Variants in ENTPD1 observed in about 807,000 individuals in gnomAD.
The protein encoded by ENTPD1 is ectonucleoside triphosphate diphosphohydrolase 1.
Under a neutral mutation model 57.0 loss-of-function variants are expected in ENTPD1, and 33 were observed. The observed-to-expected ratio is 0.58, with a 90% CI of 0.44 to 0.77. ENTPD1 has a LOEUF of 0.77. ENTPD1 is among the 30% of genes least tolerant of loss of function. The pLI, the probability that ENTPD1 is intolerant of heterozygous loss-of-function variation, is 0.00. For missense variants in ENTPD1, 501 were observed against 603.4 expected (o/e 0.83, Z 1.78); for synonymous variants, 202 against 218.8 (o/e 0.92, Z 0.68).
At chr10:95,694,966 T>A in the ENTPD1 span, among the ~76,000 whole-genome samples, 1 of 148,704 alleles carries the variant, frequency 6.7e-6, no homozygotes, top group African/African-American at 2.5e-5. Context: ...AGTGGTGTGA[T>A]CTCAGCTCAC....
At chr10:95,762,540 T>C (rs12767650) in intron 1 of ENTPD1, among the ~76,000 whole-genome samples, 16,115 of 152,230 alleles carry the variant, frequency 0.11, 1,029 homozygotes, top group Middle Eastern at 0.22. Context: ...GTGAAGCACA[T>C]GTATTTTCCA....
chr10:95,852,673 T>A (rs1333977875), intron 7 of ENTPD1, among the ~76,000 whole-genome samples: 2 of 152,224 alleles, frequency 1.3e-5, no homozygotes, highest in Non-Finnish European at 2.9e-5. Flanking sequence ...CCCAGCACCA[T>A]TTATTAAATA....
intron 1 of ENTPD1, among the ~76,000 whole-genome samples, chr10:95,814,824 T>C (rs2098324312): frequency 1.3e-5 from 2 of 152,154 alleles, no homozygotes; most frequent in Non-Finnish European, 2.9e-5. Flanking sequence ...ATTTACTCAA[T>C]TACCTTGTCT....
chr10:95,734,111 C>G (rs2097992013), intron 1 of ENTPD1, among the ~76,000 whole-genome samples: 2 of 152,294 alleles, frequency 1.3e-5, no homozygotes, highest in South Asian at 4.2e-4. Flanking sequence ...ACCACACTCC[C>G]CCTTTCCTAC....
chr10:95,852,735 A>G (rs974161253), intron 7 of ENTPD1, among the ~76,000 whole-genome samples: 2 of 152,086 alleles, frequency 1.3e-5, no homozygotes, highest in African/African-American at 4.8e-5. Context: ...AAGATCGGAT[A>G]GTTGTAGATA....
intron 7 of ENTPD1, among the ~76,000 whole-genome samples, chr10:95,858,572 CGAG>C (rs1391541453): frequency 6.6e-6 from 1 of 152,072 alleles, no homozygotes; most frequent in Non-Finnish European, 1.5e-5. Context: ...AGTATCCACA[CGAG>C]ATGATAGTGG....
intron 8 of ENTPD1, among the ~76,000 whole-genome samples, chr10:95,863,202 T>C (rs1343449686): frequency 1.3e-5 from 2 of 152,078 alleles, no homozygotes; most frequent in Non-Finnish European, 2.9e-5. Flanking sequence ...AGGAGGGGAA[T>C]AGGAGTATTA....
intron 1 of ENTPD1, among the ~76,000 whole-genome samples, chr10:95,805,882 C>T (rs2098270092): frequency 6.6e-6 from 1 of 152,204 alleles, no homozygotes; most frequent in Admixed American, 6.5e-5. Context: ...ATGGGCTTCC[C>T]TTTGTGGGTA....
chr10:95,826,211 A>C (rs1001829643), intron 2 of ENTPD1, among the ~76,000 whole-genome samples: 3 of 152,132 alleles, frequency 2.0e-5, no homozygotes, highest in Admixed American at 2.0e-4. Context: ...GTCTTCCCTG[A>C]AAAAATGATA....
intron 1 of ENTPD1, among the ~76,000 whole-genome samples, chr10:95,771,365 A>G (rs1431476311): frequency 6.6e-6 from 1 of 152,182 alleles, no homozygotes; most frequent in Non-Finnish European, 1.5e-5. Context: ...CATCTTTGAC[A>G]GTTTCTTTAG....
chr10:95,708,229 T>A (rs977042654), upstream of ENTPD1, among the ~76,000 whole-genome samples: 4 of 151,884 alleles, frequency 2.6e-5, no homozygotes, highest in African/African-American at 7.3e-5. Flanking sequence ...TTTTTTTTTT[T>A]TTTGAGACAG....
chr10:95,710,763 A>G (rs534322882), upstream of ENTPD1, among the ~76,000 whole-genome samples: 70 of 152,194 alleles, frequency 4.6e-4, no homozygotes, highest in Admixed American at 1.2e-3. Context: ...GAGACTGTCT[A>G]TAGTCCCACA....
In ENTPD1 at chr10:95,869,736, A is replaced by G. The variant is rs2098478438; in HGVS notation, c.*3353A>G. On this transcript the variant is annotated 3_prime_UTR_variant, in exon 10 of 10. Coordinates refer to ENST00000371205, the MANE Select transcript of ENTPD1 (RefSeq NM_001776.6). ...CAGTCAAGGTCCCTGCAAGAGATGG[A>G]TGGTATGGTACACTCAAACTGGGTA... 1.1e-6 allele frequency: 1 copy of G among 901,828 alleles called. No individual in the cohort carries two copies. The highest frequency in any genetic ancestry group is 1.3e-6 in the Non-Finnish European group (1 of 753,732). The allele number at this position is 901,828 out of a possible 1,614,324, so 55.9% of individuals were successfully genotyped here.
chr10:95,843,405 C>T (rs762449880), intron 4 of ENTPD1: 5 of 152,156 alleles, frequency 3.3e-5, no homozygotes, highest in Non-Finnish European at 5.9e-5. Context: ...AGTAGCAGCT[C>T]GTATTTATTG....
At chr10:95,773,252 G>A (rs528121533) in intron 1 of ENTPD1, among the ~76,000 whole-genome samples, 1 of 152,304 alleles carries the variant, frequency 6.6e-6, no homozygotes, top group Admixed American at 6.5e-5. Context: ...TTCAGTATGA[G>A]GCTTGGAGGA....
intron 1 of ENTPD1, among the ~76,000 whole-genome samples, chr10:95,761,789 A>G (rs560522782): frequency 6.6e-6 from 1 of 152,280 alleles, no homozygotes; most frequent in South Asian, 2.1e-4. Context: ...CTTCAACTTG[A>G]GAAGTACTGG....
rs1032677609 is a variant in ENTPD1 at position 95,874,894 on chromosome 10, T to G, written c.*8511T>G. ...GCCACAGCCCAAGCTCTATGTTGGC[T>G]CCTTTCAGCCATGGCTGGAGCAGCT... On this transcript the variant is annotated 3_prime_UTR_variant, in exon 10 of 10. Coordinates refer to ENST00000371205, the MANE Select transcript of ENTPD1 (RefSeq NM_001776.6). 1.3e-5 allele frequency among the ~76,000 whole-genome samples: 2 copies of G among 152,202 alleles called. No homozygotes were observed. Among genetic ancestry groups the G allele is most frequent in the Non-Finnish European group, 2.9e-5 (2 of 68,028 alleles).
At chr10:95,809,774 C>T (rs1334699258) in intron 1 of ENTPD1, among the ~76,000 whole-genome samples, 3 of 149,598 alleles carry the variant, frequency 2.0e-5, no homozygotes, top group African/African-American at 7.4e-5. Flanking sequence ...GGCAGAGGCA[C>T]TCCCCACCTC....
chr10:95,834,089 T>C (rs970488287), intron 2 of ENTPD1, among the ~76,000 whole-genome samples: 3 of 152,206 alleles, frequency 2.0e-5, no homozygotes, highest in Non-Finnish European at 4.4e-5. Context: ...TACTTTATAT[T>C]AGACAATGAA....
Sources: gnomAD v4.1 joint callset for allele counts (sites outside exome capture counted in the v4.1 genomes callset) on GRCh38, gnomAD v4.1.1 for gene constraint, MANE v1.5 for transcripts, NCBI Gene and HGNC (gene_info 2026-07-23, HGNC 2026-07-21) for gene names.